EPHB6: variants seen among roughly 807,000 people sequenced by gnomAD.
EPHB6 encodes the protein EPH receptor B6.
EPHB6 carries 51 observed loss-of-function variants against 107.0 expected under a neutral mutation model. The ratio of observed to expected loss-of-function variants is 0.48; its 90% CI spans 0.38 to 0.60. The LOEUF is 0.60. Among genes scored for constraint, EPHB6 ranks in the 20% least tolerant of loss-of-function variants. EPHB6 has a pLI of 0.00. For missense variants in EPHB6, 1,141 were observed against 1,355.5 expected (o/e 0.84, Z 2.48); for synonymous variants, 553 against 549.0 (o/e 1.01, Z -0.10).
In EPHB6 at chr7:142,865,595, G is replaced by A. The variant is rs376846276; in HGVS notation, c.1070G>A (p.Arg357Gln). 13 of 1,613,672 alleles carry A rather than the reference G, an allele frequency of 8.1e-6. No individual in the cohort carries two copies. Among genetic ancestry groups the A allele is most frequent in the African/African-American group, 4.0e-5 (3 of 75,032 alleles). Residue 357 changes from arginine to glutamine, a missense_variant, in exon 8 of 20, where the codon CGG becomes CAG. Physicochemically the swap from Arg to Gln is conservative, Grantham distance 43. Transcript: ENST00000652003. ...PVCPCLEGFY[R>Q]ASSDPPEAPC... ...TGCCCCTGCCTGGAGGGCTTCTACC[G>A]GGCCAGTTCCGACCCACCAGAGGCC...
chr7:142,871,017 TC>T lies in EPHB6; in HGVS notation c.*116del, dbSNP rs4987689. On this transcript the variant is annotated 3_prime_UTR_variant, in exon 20 of 20. Coordinates refer to ENST00000652003, the MANE Select transcript of EPHB6 (RefSeq NM_004445.6). ...AGATGCCCCACACCAAACCCAACCC[TC>T]CCGATGGCTGCATTCCCTGGTCCTC... 94,209 of 975,006 alleles carry T rather than the reference TC, an allele frequency of 0.097. 11,429 individuals are homozygous for T. The highest frequency in any genetic ancestry group is 0.53 in the African/African-American group (32,898 of 61,566). The allele number at this position is 975,006 out of a possible 1,614,324, so 60.4% of individuals were successfully genotyped here. A position where few individuals can be genotyped will look rare whatever the true frequency, so the allele number is the denominator to read the frequency against.
chr7:142,859,041 T>A (rs1355908866), intron 1 of EPHB6, among the ~76,000 whole-genome samples: 2 of 152,272 alleles, frequency 1.3e-5, no homozygotes, highest in Non-Finnish European at 2.9e-5. Flanking sequence ...GCTTCTGGTT[T>A]TATATTTTTA....
chr7:142,858,497 A>G lies in EPHB6; in HGVS notation c.-431-2555A>G, dbSNP rs571993777. Among the ~76,000 whole-genome samples, 5 of 125,050 alleles carry G rather than the reference A, an allele frequency of 4.0e-5. 1 individual carries two copies. The highest frequency in any genetic ancestry group is 5.1e-4 in the South Asian group (2 of 3,946). The allele number at this position is 125,050 out of a possible 152,430, so 82.0% of individuals were successfully genotyped here. A position where few individuals can be genotyped will look rare whatever the true frequency, so the allele number is the denominator to read the frequency against. On this transcript the variant is annotated intron_variant, in intron 1 of 19. Transcript: ENST00000652003. Reference sequence around the variant, plus strand: ...GTCGCCGAGGCTGGAGTGCAGTGGCACGATCTCGGCTCACTGCAAGCTCTG... The same window carrying G: ...GTCGCCGAGGCTGGAGTGCAGTGGCGCGATCTCGGCTCACTGCAAGCTCTG...
chr7:142,857,608 C>G (rs904532669), intron 1 of EPHB6, among the ~76,000 whole-genome samples: 13 of 152,190 alleles, frequency 8.5e-5, no homozygotes, highest in Admixed American at 8.5e-4. Context: ...CATAAAACCT[C>G]GAACCGCTTT....
At chr7:142,865,685 G>T in intron 8 of EPHB6, 55 bp downstream of exon 8, 1 of 1,599,542 alleles carries the variant, frequency 6.3e-7, no homozygotes. Flanking sequence ...GGGGCCAGAA[G>T]TGGGGGTAGC....
intron 4 of EPHB6, 55 bp downstream of exon 4, chr7:142,862,888 G>A: frequency 3.4e-6 from 1 of 294,266 alleles, no homozygotes; most frequent in African/African-American, 2.1e-5. Flanking sequence ...AGAGCTGTGA[G>A]AAATGAACAC....
intron 1 of EPHB6, among the ~76,000 whole-genome samples, chr7:142,859,868 C>T (rs963106850): frequency 6.6e-6 from 1 of 152,136 alleles, no homozygotes; most frequent in African/African-American, 2.4e-5. Context: ...GCTGAGTGGC[C>T]TTAACATCCA....
Position 142,867,624 on chromosome 7 carries a change from G to A in EPHB6, c.1767G>A (p.Gln589=). 1.2e-6 allele frequency: 2 copies of A among 1,613,012 alleles called. No individual in the cohort carries two copies. Among genetic ancestry groups the A allele is most frequent in the African/African-American group, 1.3e-5 (1 of 75,018 alleles). ...QTLPQGELSS[Q]LPERLSLVIG... ...GTCCCCCAGGGGAGCTGTCTTCCCA[G>A]CTTCCAGAAAGACTCTCCTTGGTGA... is the stretch of plus-strand genomic sequence containing the variant. Residue 589 remains glutamine (Q), a synonymous_variant, in exon 12 of 20, where the codon CAG becomes CAA. Coordinates refer to ENST00000652003, the MANE Select transcript of EPHB6 (RefSeq NM_004445.6). The surrounding 1 kb of genome is among the most constrained non-coding windows in gnomAD (Gnocchi z 5.3).
chr7:142,863,220 G>C lies in EPHB6; in HGVS notation c.-8G>C. 11 of 1,613,956 alleles carry C rather than the reference G, an allele frequency of 6.8e-6. No homozygotes were observed. Among genetic ancestry groups the C allele is most frequent in the Non-Finnish European group, 9.3e-6 (11 of 1,179,862 alleles). ...CTGGGGCGATGGTGGACGCCCTGAA[G>C]ATGTCCCATGGCTACTGAAGGGGCT... On this transcript the variant is annotated 5_prime_UTR_variant, in exon 5 of 20. Coordinates refer to ENST00000652003, the MANE Select transcript of EPHB6 (RefSeq NM_004445.6).
At position 142,869,906 on chromosome 7, in the gene EPHB6, A is replaced by T; in HGVS notation, c.2550A>T (p.Ile850=). 6.2e-7 allele frequency: 1 copy of T among 1,614,164 alleles called. No individual in the cohort carries two copies. The highest frequency in any genetic ancestry group is 1.1e-5 in the South Asian group (1 of 91,082). ...CCAGTGATGTCTGGAGCTTTGGGATACTCATGTGGGAAGTGATGAGTTATG... is the reference window on the plus strand; with the variant it reads ...CCAGTGATGTCTGGAGCTTTGGGATTCTCATGTGGGAAGTGATGAGTTATG... ...TTSSDVWSFG[I]LMWEVMSYGE... The change falls in exon 17 of 20, where the codon ATA becomes ATT. Residue 850 remains isoleucine (I), a synonymous_variant. Coordinates refer to ENST00000652003, the MANE Select transcript of EPHB6 (RefSeq NM_004445.6). This position sits in a 1 kb window ranked among gnomAD's most constrained non-coding sequence, Gnocchi z 4.5.
chr7:142,870,904 A>G lies in EPHB6; in HGVS notation c.3069A>G (p.Ter1023TrpextTer2). The change falls in exon 20 of 20, where the codon TGA (stop) becomes TGG (tryptophan). Residue 1023 changes from the stop codon to tryptophan (W), a stop_lost. Transcript: ENST00000652003. ...HLRQQGSVEV[*>W] Reference sequence around the variant, plus strand: ...GGCAGCAGGGCTCAGTGGAGGTCTGAGAATGACGATACCCGTGACTCAGCC... The same window carrying G: ...GGCAGCAGGGCTCAGTGGAGGTCTGGGAATGACGATACCCGTGACTCAGCC... 6.2e-7 allele frequency: 1 copy of G among 1,612,318 alleles called. No homozygotes were observed. The highest frequency in any genetic ancestry group is 8.5e-7 in the Non-Finnish European group (1 of 1,179,738).
At chr7:142,859,603 T>C (rs987474744) in intron 1 of EPHB6, among the ~76,000 whole-genome samples, 4 of 152,198 alleles carry the variant, frequency 2.6e-5, no homozygotes, top group African/African-American at 9.7e-5. Context: ...CTCACCTAAC[T>C]TCCTAGTCTG....
intron 4 of EPHB6, 112 bp from the exon 5 acceptor site, chr7:142,863,015 T>C: frequency 3.4e-6 from 2 of 587,942 alleles, no homozygotes; most frequent in South Asian, 4.2e-5. Context: ...CTGGGGCGAT[T>C]GGAGAGCTGT....
At position 142,864,186 on chromosome 7, in the gene EPHB6, C is replaced by G. The variant is rs1369494703; in HGVS notation, c.386C>G (p.Thr129Ser). ...GGCGGCACCTGCCGGGAGACCTTCA[C>G]CCTTTACTACCGTCAGGCTGAGGAG... ...VSGGTCRETF[T>S]LYYRQAEEPD... is the part of the protein sequence containing the mutation. The change falls in exon 7 of 20, where the codon ACC becomes AGC. Residue 129 changes from threonine (T) to serine (S), a missense_variant. This residue lies in a region of EPHB6 where 221 missense variants were observed against 300.5 expected (regional missense o/e 0.74). Transcript: ENST00000652003. 9 of 1,613,900 alleles carry G rather than the reference C, an allele frequency of 5.6e-6. No individual in the cohort carries two copies. The highest frequency in any genetic ancestry group is 1.7e-5 in the Admixed American group (1 of 60,036).
rs2116418104 is a variant in EPHB6 at position 142,864,216 on chromosome 7, A to G, written c.416A>G (p.Asp139Gly). 6.2e-7 allele frequency: 1 copy of G among 1,613,834 alleles called. No individual in the cohort carries two copies. Among genetic ancestry groups the G allele is most frequent in the Non-Finnish European group, 8.5e-7 (1 of 1,180,030 alleles). The change falls in exon 7 of 20, where the codon GAC (aspartate) becomes GGC (glycine). Residue 139 changes from aspartate to glycine, a missense_variant. Coordinates refer to ENST00000652003, the MANE Select transcript of EPHB6 (RefSeq NM_004445.6). ...TLYYRQAEEP[D>G]SPDSVSSWHL... Reference sequence around the variant, plus strand: ...TACTACCGTCAGGCTGAGGAGCCCGACAGCCCTGACAGCGTTTCCTCCTGG... The same window carrying G: ...TACTACCGTCAGGCTGAGGAGCCCGGCAGCCCTGACAGCGTTTCCTCCTGG...
At chr7:142,865,717 G>A in intron 8 of EPHB6, 87 bp downstream of exon 8, 10 of 1,538,724 alleles carry the variant, frequency 6.5e-6, no homozygotes, top group Non-Finnish European at 7.9e-6. Flanking sequence ...GGGGCTCTTT[G>A]CATTTGGAGT....
In EPHB6 at chr7:142,863,996, C is replaced by T. The variant is rs1802982992; in HGVS notation, c.196C>T (p.Arg66Ter). The T allele has an allele frequency of 1.9e-6, 3 of 1,614,196 alleles. No homozygotes were observed. Among genetic ancestry groups the T allele is most frequent in the African/African-American group, 1.3e-5 (1 of 75,042 alleles). ...WDEVSVLDDQ[R>*]RLTRTFEACH... ...CGAGGTGAGTGTTCTGGACGACCAGCGACGCCTGACTCGGACCTTTGAGGC... is the reference window on the plus strand; with the variant it reads ...CGAGGTGAGTGTTCTGGACGACCAGTGACGCCTGACTCGGACCTTTGAGGC... The change falls in exon 7 of 20, where the codon CGA (arginine) becomes TGA (stop). Residue 66 changes from arginine to a stop codon, truncating the protein, a stop_gained. Transcript: ENST00000652003. LOFTEE classifies it high-confidence loss of function.
In EPHB6 at chr7:142,867,807, G is replaced by T; in HGVS notation, c.1865+85G>T. ...AGTCCTGCCAAGTCTGGAGCCCCCTGCAGAAACCTCACACTGGTGCTCCTC... is the reference window on the plus strand; with the variant it reads ...AGTCCTGCCAAGTCTGGAGCCCCCTTCAGAAACCTCACACTGGTGCTCCTC... On this transcript the variant is annotated intron_variant, in intron 12 of 19. Transcript: ENST00000652003. This position sits in a 1 kb window ranked among gnomAD's most constrained non-coding sequence, Gnocchi z 5.3. The T allele has an allele frequency of 1.4e-6, 2 of 1,450,784 alleles. No individual in the cohort carries two copies. Among genetic ancestry groups the T allele is most frequent in the Non-Finnish European group, 1.9e-6 (2 of 1,059,376 alleles). 89.9% of individuals were successfully genotyped at this position (1,450,784 alleles called of 1,614,324 possible).
In EPHB6 at chr7:142,870,703, G is replaced by C. The variant is rs765816154; in HGVS notation, c.2960+18G>C. On this transcript the variant is annotated intron_variant, in intron 19 of 19. Coordinates refer to ENST00000652003, the MANE Select transcript of EPHB6 (RefSeq NM_004445.6). ...AGCCTAGAGTAAGCAGGGAGTGGTG[G>C]GGTGGGGGCGAATGCTCCAGGCCCC... is the stretch of plus-strand genomic sequence containing the variant. 1.6e-5 allele frequency: 26 copies of C among 1,614,238 alleles called. No homozygotes were observed. The East Asian group carries it at 4.5e-4, about 28-fold the overall frequency.
Sources: allele counts gnomAD v4.1 joint callset (sites outside exome capture counted in the v4.1 genomes callset), GRCh38; gene constraint gnomAD v4.1.1; regional missense constraint gnomAD v4.1.1; non-coding constraint Gnocchi (gnomAD v3.1); transcripts MANE v1.5; gene names NCBI Gene and HGNC (gene_info 2026-07-23, HGNC 2026-07-21).